DAPK1: variants seen among roughly 807,000 people sequenced by gnomAD.
DAPK1 encodes the protein death associated protein kinase 1, also known as death-associated protein kinase 1.
DAPK1 carries 56 observed loss-of-function variants against 144.9 expected under a neutral mutation model. That is an observed-to-expected ratio of 0.39 (90% CI 0.31 to 0.48). DAPK1 has a LOEUF of 0.48. Among genes scored for constraint, DAPK1 ranks in the 20% least tolerant of loss-of-function variants. The probability of loss-of-function intolerance (pLI) is 0.95; values close to 1 mark genes in which losing one functional copy is unlikely to be tolerated. For missense variants in DAPK1, 1,454 were observed against 1,875.4 expected (o/e 0.78, Z 4.15); for synonymous variants, 690 against 749.0 (o/e 0.92, Z 1.29).
chr9:87,528,712 A>C (rs1308565130), intron 2 of DAPK1, among the ~76,000 whole-genome samples: 1 of 151,756 alleles, frequency 6.6e-6, no homozygotes, highest in Non-Finnish European at 1.5e-5. Flanking sequence ...TCTACTAAAA[A>C]TACAAAAAAA....
At chr9:87,593,131 G>A (rs1244762151) in intron 2 of DAPK1, among the ~76,000 whole-genome samples, 1 of 152,206 alleles carries the variant, frequency 6.6e-6, no homozygotes, top group Admixed American at 6.5e-5. Flanking sequence ...GCTACCCTCA[G>A]TTGTATTCAG....
At chr9:87,663,713 T>TC (rs1830944427) in intron 18 of DAPK1, among the ~76,000 whole-genome samples, 2 of 151,956 alleles carry the variant, frequency 1.3e-5, no homozygotes, top group Non-Finnish European at 2.9e-5. Context: ...AGGTCTCTGG[T>TC]CCCTGCTTGC....
intron 2 of DAPK1, among the ~76,000 whole-genome samples, chr9:87,559,280 ATAGGCTAGGG>A (rs145222252): frequency 1.3e-4 from 19 of 151,188 alleles, no homozygotes; most frequent in Admixed American, 5.9e-4. Flanking sequence ...TTATTACAGG[ATAGGCTAGGG>A]TAGGCTAGGG....
In DAPK1 at chr9:87,643,347, CTTTTTTTT is replaced by C. The variant is rs10650070; in HGVS notation, c.919-17_919-10del. ...CCTGCCTTTTTCCTCCCCGCCCTCC[CTTTTTTTT>C]TTTTTTTTTTTAAAAAAAAGCAATC... is the stretch of plus-strand genomic sequence containing the variant. On this transcript the variant is annotated intron_variant, in intron 10 of 25. Transcript: ENST00000408954. The C allele has an allele frequency of 5.0e-6, 5 of 1,002,510 alleles. No homozygotes were observed. In the African/African-American group the frequency reaches 7.0e-5, roughly 14 times the overall value. The allele number at this position is 1,002,510 out of a possible 1,614,324, so 62.1% of individuals were successfully genotyped here. A position where few individuals can be genotyped will look rare whatever the true frequency, so the allele number is the denominator to read the frequency against.
intron 2 of DAPK1, among the ~76,000 whole-genome samples, chr9:87,586,801 G>A (rs1256504891): frequency 6.6e-6 from 1 of 152,172 alleles, no homozygotes; most frequent in East Asian, 1.9e-4. Context: ...TGTCCTAAAA[G>A]TCACTTTCTT....
At chr9:87,498,315 G>T (rs1824259276) in intron 1 of DAPK1, among the ~76,000 whole-genome samples, 1 of 152,194 alleles carries the variant, frequency 6.6e-6, no homozygotes, top group Non-Finnish European at 1.5e-5. Context: ...GGTGGCGCCG[G>T]CCCGACCAGG....
At chr9:87,673,771 T>G (rs955505223) in intron 19 of DAPK1, among the ~76,000 whole-genome samples, 14 of 152,132 alleles carry the variant, frequency 9.2e-5, no homozygotes, top group Admixed American at 2.0e-4. Flanking sequence ...GAGGGAGCAT[T>G]TGCACCACAG....
In DAPK1 at chr9:87,624,818, C is replaced by T. The variant is rs143852217; in HGVS notation, c.285-13125C>T. On this transcript the variant is annotated intron_variant, in intron 3 of 25. Coordinates refer to ENST00000408954, the MANE Select transcript of DAPK1 (RefSeq NM_004938.4). Reference sequence around the variant, plus strand: ...GAATTCTATAAGCATTCCTAAATCACCTTTATTTGGAATTGACTTAAAGAG... The same window carrying T: ...GAATTCTATAAGCATTCCTAAATCATCTTTATTTGGAATTGACTTAAAGAG... Among the ~76,000 whole-genome samples, 73 of 152,300 alleles carry T rather than the reference C, an allele frequency of 4.8e-4. 1 individual carries two copies. In the East Asian group the frequency reaches 0.013, roughly 27 times the overall value.
chr9:87,525,670 G>A (rs77869974), intron 2 of DAPK1, among the ~76,000 whole-genome samples: 6 of 151,870 alleles, frequency 4.0e-5, no homozygotes, highest in Admixed American at 1.3e-4. Flanking sequence ...TGAGGGCCTC[G>A]GTTCCACCTC....
intron 17 of DAPK1, among the ~76,000 whole-genome samples, 172 bp downstream of exon 17, chr9:87,651,896 G>A (rs1321419405): frequency 7.0e-6 from 1 of 142,236 alleles, no homozygotes; most frequent in Non-Finnish European, 1.5e-5. Context: ...CTGATTCTGT[G>A]TCCTCTCACC....
chr9:87,611,549 C>A (rs970816674), intron 3 of DAPK1, among the ~76,000 whole-genome samples: 3 of 152,178 alleles, frequency 2.0e-5, no homozygotes, highest in Non-Finnish European at 4.4e-5. Context: ...GCCTTGAACT[C>A]CCGGGCTCGA....
chr9:87,666,472 T>G (rs999418172), intron 18 of DAPK1, among the ~76,000 whole-genome samples: 2 of 144,208 alleles, frequency 1.4e-5, no homozygotes, highest in Admixed American at 7.1e-5. Context: ...TATGTTTTTG[T>G]TTTTGTTTTT....
chr9:87,656,950 A>G (rs1040978972), intron 17 of DAPK1, among the ~76,000 whole-genome samples: 8 of 152,158 alleles, frequency 5.3e-5, no homozygotes, highest in Non-Finnish European at 1.2e-4. Context: ...GAGAAGGAAG[A>G]TTTTTATTTT....
intron 3 of DAPK1, among the ~76,000 whole-genome samples, chr9:87,615,251 C>T (rs546709599): frequency 6.6e-6 from 1 of 152,238 alleles, no homozygotes; most frequent in Non-Finnish European, 1.5e-5. Flanking sequence ...TTTAACAACT[C>T]TTTATTTCCC....
intron 19 of DAPK1, among the ~76,000 whole-genome samples, chr9:87,681,144 G>A (rs1824600937): frequency 6.6e-6 from 1 of 152,076 alleles, no homozygotes; most frequent in Admixed American, 6.5e-5. Context: ...TGGGCATGGT[G>A]GCTCATGCCT....
chr9:87,705,961 C>T (rs1186832997), intron 25 of DAPK1, among the ~76,000 whole-genome samples, 171 bp from the exon 26 acceptor site: 1 of 151,988 alleles, frequency 6.6e-6, no homozygotes, highest in Non-Finnish European at 1.5e-5. Context: ...CTGCTTTTCT[C>T]CACTCGGTGT....
intron 3 of DAPK1, 109 bp downstream of exon 3, chr9:87,605,284 G>T: frequency 1.1e-6 from 1 of 884,100 alleles, no homozygotes; most frequent in Non-Finnish European, 1.8e-6. Flanking sequence ...ATCAGGAATT[G>T]GTTCTGCTGT....
At chr9:87,524,282 A>C (rs1195773291) in intron 2 of DAPK1, among the ~76,000 whole-genome samples, 1 of 152,164 alleles carries the variant, frequency 6.6e-6, no homozygotes, top group Non-Finnish European at 1.5e-5. Flanking sequence ...GGCCCACTGC[A>C]TCTCTCCTCC....
intron 2 of DAPK1, among the ~76,000 whole-genome samples, chr9:87,573,284 AC>A (rs1827429220): frequency 6.6e-6 from 1 of 152,104 alleles, no homozygotes; most frequent in Non-Finnish European, 1.5e-5. Flanking sequence ...TTCCTTTCCT[AC>A]CTTGTAACCT....
Sources: allele counts gnomAD v4.1 joint callset (sites outside exome capture counted in the v4.1 genomes callset), GRCh38; gene constraint gnomAD v4.1.1; transcripts MANE v1.5; gene names NCBI Gene and HGNC (gene_info 2026-07-23, HGNC 2026-07-21).